PREX1: variants seen among roughly 807,000 people sequenced by gnomAD.
PREX1 encodes the protein phosphatidylinositol-3,4,5-trisphosphate dependent Rac exchange factor 1.
Under a neutral mutation model 198.3 loss-of-function variants are expected in PREX1, and 41 were observed. The observed-to-expected ratio is 0.21, with a 90% confidence interval of 0.16 to 0.27. The LOEUF (loss-of-function observed/expected upper bound fraction) is 0.27, where lower values mean the gene tolerates loss of function less well. PREX1 is among the 10% of genes least tolerant of loss of function. The pLI, the probability that PREX1 is intolerant of heterozygous loss-of-function variation, is 1.00. For missense variants in PREX1, 1,620 were observed against 2,200.7 expected (o/e 0.74, Z 5.28); for synonymous variants, 843 against 887.2 (o/e 0.95, Z 0.89).
the PREX1 span, among the ~76,000 whole-genome samples, chr20:48,853,709 C>G: frequency 2.0e-5 from 3 of 152,182 alleles, no homozygotes; most frequent in African/African-American, 7.2e-5. Flanking sequence ...CTTGCATACA[C>G]CTTTAAGGAC....
At chr20:48,719,545 C>T (rs992629225) in intron 5 of PREX1, among the ~76,000 whole-genome samples, 8 of 152,250 alleles carry the variant, frequency 5.3e-5, no homozygotes, top group Middle Eastern at 3.4e-3. Flanking sequence ...AAGACGGTGA[C>T]AATGCCCGAT....
At chr20:48,637,393 C>T (rs746359951) in intron 31 of PREX1, among the ~76,000 whole-genome samples, 1 of 152,248 alleles carries the variant, frequency 6.6e-6, no homozygotes, top group Non-Finnish European at 1.5e-5. Context: ...CTCTTCCCCA[C>T]TCTCTGCTGG....
At chr20:48,639,505 T>C (rs1388352374) in intron 30 of PREX1, among the ~76,000 whole-genome samples, 1 of 151,964 alleles carries the variant, frequency 6.6e-6, no homozygotes, top group Admixed American at 6.6e-5. Context: ...CAGGGCTTTG[T>C]TTTGTTTTGT....
chr20:48,785,036 C>G (rs146155952), intron 1 of PREX1, among the ~76,000 whole-genome samples: 1 of 152,150 alleles, frequency 6.6e-6, no homozygotes, highest in Non-Finnish European at 1.5e-5. Context: ...ACCTAAGCCT[C>G]CCAAGTAGCT....
At chr20:48,813,641 T>C (rs986546942) in intron 1 of PREX1, among the ~76,000 whole-genome samples, 1 of 151,784 alleles carries the variant, frequency 6.6e-6, no homozygotes, top group Non-Finnish European at 1.5e-5. Flanking sequence ...AATAATAACG[T>C]GTGTGTGCAT....
Position 48,827,747 on chromosome 20 carries a change from C to A in PREX1, c.114G>T (p.Ala38=), listed in dbSNP as rs1212749495. 1 of 1,289,420 alleles carries A rather than the reference C, an allele frequency of 7.8e-7. No individual in the cohort carries two copies. Among genetic ancestry groups the A allele is most frequent in the Non-Finnish European group, 1.0e-6 (1 of 1,003,574 alleles). 79.9% of individuals were successfully genotyped at this position (1,289,420 alleles called of 1,614,324 possible). A position where few individuals can be genotyped will look rare whatever the true frequency, so the allele number is the denominator to read the frequency against. The stretch of plus-strand genomic sequence containing the variant: ...GCTGGCGCTCGGACTCCCGGGCGGC[C>A]GCGCACGGGCCGGGGCCGGAGCTGG... ...AAPSSGPGPC[A]AARESERQLR... The change falls in exon 1 of 40, where the codon GCG becomes GCT. Residue 38 remains alanine (A), a synonymous_variant. Coordinates refer to ENST00000371941, the MANE Select transcript of PREX1 (RefSeq NM_020820.4). The surrounding 1 kb of genome is among the most constrained non-coding windows in gnomAD (Gnocchi z 4.1).
Position 48,657,152 on chromosome 20 carries a change from T to C in PREX1, c.2011A>G (p.Ile671Val). The change falls in exon 18 of 40, where the codon ATC (isoleucine) becomes GTC (valine). Residue 671 changes from isoleucine to valine, a missense_variant. Transcript: ENST00000371941. Reference sequence around the variant, plus strand: ...CGCAGGAACACCAGGTCCTCATTGATGGAGTAGATCTTCCTCCCCACCTGC... The same window carrying C: ...CGCAGGAACACCAGGTCCTCATTGACGGAGTAGATCTTCCTCCCCACCTGC... ...GLQVGRKIYS[I>V]NEDLVFLRPF... 6.2e-7 allele frequency: 1 copy of C among 1,613,586 alleles called. No individual in the cohort carries two copies. The highest frequency in any genetic ancestry group is 8.5e-7 in the Non-Finnish European group (1 of 1,179,826).
Position 48,814,486 on chromosome 20 carries a change from A to C in PREX1, c.219+13156T>G, listed in dbSNP as rs545151274. Among the ~76,000 whole-genome samples, 4 of 152,354 alleles carry C rather than the reference A, an allele frequency of 2.6e-5. No individual in the cohort carries two copies. In the East Asian group the frequency reaches 5.8e-4, roughly 22 times the overall value. Reference sequence around the variant, plus strand: ...GGTCCTTGGTACAAATCAGGGTTCCAAGAGCTCCAGGTAATAGGAAGAGCA... The same window carrying C: ...GGTCCTTGGTACAAATCAGGGTTCCCAGAGCTCCAGGTAATAGGAAGAGCA... On this transcript the variant is annotated intron_variant, in intron 1 of 39. Coordinates refer to ENST00000371941, the MANE Select transcript of PREX1 (RefSeq NM_020820.4).
chr20:48,733,902 C>T (rs764961803), intron 4 of PREX1, among the ~76,000 whole-genome samples: 3 of 152,100 alleles, frequency 2.0e-5, no homozygotes, highest in East Asian at 1.9e-4. Flanking sequence ...AGGCACATGC[C>T]GCCACGCCCA....
chr20:48,873,011 C>T, the PREX1 span, among the ~76,000 whole-genome samples: 1 of 152,050 alleles, frequency 6.6e-6, no homozygotes, highest in African/African-American at 2.4e-5. Context: ...GCTTTGGCTA[C>T]ATAACAAACT....
At chr20:48,845,493 A>C in the PREX1 span, among the ~76,000 whole-genome samples, 1 of 152,172 alleles carries the variant, frequency 6.6e-6, no homozygotes, top group Non-Finnish European at 1.5e-5. Flanking sequence ...GCTTGGGGCC[A>C]GGAGTTTGTG....
intron 1 of PREX1, among the ~76,000 whole-genome samples, chr20:48,777,287 C>G (rs1187965499): frequency 6.6e-6 from 1 of 152,166 alleles, no homozygotes; most frequent in Non-Finnish European, 1.5e-5. Context: ...AACTCTCCAG[C>G]CTCCAGCATG....
At position 48,636,578 on chromosome 20, in the gene PREX1, T is replaced by C; in HGVS notation, c.4052A>G (p.Asn1351Ser). 6.2e-7 allele frequency: 1 copy of C among 1,612,018 alleles called. No individual in the cohort carries two copies. Among genetic ancestry groups the C allele is most frequent in the South Asian group, 1.1e-5 (1 of 91,058 alleles). The change falls in exon 32 of 40, where the codon AAC becomes AGC. Residue 1351 changes from asparagine (N) to serine (S), a missense_variant. Physicochemically the swap from Asn to Ser is conservative, Grantham distance 46. Around this residue, in one of 7 missense-constraint regions of PREX1, gnomAD observed 476 missense variants for 603.4 expected, o/e 0.79. Coordinates refer to ENST00000371941, the MANE Select transcript of PREX1 (RefSeq NM_020820.4). ...GCTCTCCTCGTACTCGCCATTGTTG[T>C]TGTAGCGGTAGCCCAGGGCCGCCAG... is the stretch of plus-strand genomic sequence containing the variant. ...QLLAALGYRY[N>S]NNGEYEESSR... is the part of the protein sequence containing the mutation.
intron 36 of PREX1, among the ~76,000 whole-genome samples, chr20:48,630,027 G>C (rs1241682546): frequency 6.6e-6 from 1 of 152,120 alleles, no homozygotes; most frequent in East Asian, 1.9e-4. Context: ...GAGGTGCAAG[G>C]GGTGGTTCAC....
In PREX1 at chr20:48,652,697, G is replaced by A; in HGVS notation, c.2356C>T (p.Gln786Ter). ...TCCTCATGGGTGTGGTAGATCCACTGGTACAGGCCCTGCCAGAAGCCAGAG... is the reference window on the plus strand; with the variant it reads ...TCCTCATGGGTGTGGTAGATCCACTAGTACAGGCCCTGCCAGAAGCCAGAG... ...SRREEALGLYQWIYHTHEDAQ... is the reference protein window; with the variant it reads ...SRREEALGLY The change falls in exon 21 of 40, where the codon CAG becomes TAG. Residue 786 changes from glutamine (Q) to a stop codon, truncating the protein, a stop_gained. Coordinates refer to ENST00000371941, the MANE Select transcript of PREX1 (RefSeq NM_020820.4). LOFTEE classifies it high-confidence loss of function. 1 of 1,612,216 alleles carries A rather than the reference G, an allele frequency of 6.2e-7. No homozygotes were observed. The highest frequency in any genetic ancestry group is 8.5e-7 in the Non-Finnish European group (1 of 1,179,016).
At chr20:48,692,096 C>T (rs1323442817) in intron 8 of PREX1, among the ~76,000 whole-genome samples, 1 of 152,080 alleles carries the variant, frequency 6.6e-6, no homozygotes, top group Non-Finnish European at 1.5e-5. Flanking sequence ...CTCCATGTTG[C>T]CCAGGCTGGT....
At chr20:48,675,695 G>C (rs6019365) in intron 14 of PREX1, among the ~76,000 whole-genome samples, 20,538 of 152,104 alleles carry the variant, frequency 0.14, 2,616 homozygotes, top group African/African-American at 0.33. Flanking sequence ...AGTGGTGACG[G>C]TTGCACAACA....
At chr20:48,798,040 G>C (rs908454274) in intron 1 of PREX1, among the ~76,000 whole-genome samples, 1 of 152,176 alleles carries the variant, frequency 6.6e-6, no homozygotes, top group African/African-American at 2.4e-5. Flanking sequence ...TTAAGGGTTG[G>C]GAAGAAGTCA....
the PREX1 span, among the ~76,000 whole-genome samples, chr20:48,854,797 G>A: frequency 2.1e-4 from 32 of 152,286 alleles, no homozygotes; most frequent in African/African-American, 4.8e-4. Flanking sequence ...TAGAGCCTCC[G>A]CTCTTAACCT....
Sources: allele counts gnomAD v4.1 joint callset (sites outside exome capture counted in the v4.1 genomes callset), GRCh38; gene constraint gnomAD v4.1.1; regional missense constraint gnomAD v4.1.1; non-coding constraint Gnocchi (gnomAD v3.1); transcripts MANE v1.5; gene names NCBI Gene and HGNC (gene_info 2026-07-23, HGNC 2026-07-21).